Variants in TMOD1 observed in about 807,000 individuals in gnomAD.
TMOD1 encodes the protein tropomodulin-1.
TMOD1 carries 17 observed loss-of-function variants against 40.6 expected under a neutral mutation model. The ratio of observed to expected loss-of-function variants is 0.42; its 90% confidence interval spans 0.29 to 0.63. The LOEUF (loss-of-function observed/expected upper bound fraction) is 0.63, where lower values mean the gene tolerates loss of function less well. Ranked by LOEUF, TMOD1 falls within the 20% of genes least tolerant of loss-of-function variation. TMOD1 has a pLI of 0.22. For missense variants in TMOD1, 391 were observed against 447.6 expected, an observed-to-expected ratio of 0.87 and a Z score of 1.14; for synonymous variants, 181 against 175.0, an observed-to-expected ratio of 1.03 and a Z score of -0.27.
intron 2 of TMOD1, among the ~76,000 whole-genome samples, chr9:97,533,847 T>C (rs968291362): frequency 1.3e-5 from 2 of 152,174 alleles, no homozygotes; most frequent in African/African-American, 4.8e-5. Flanking sequence ...ATTTGTGCAG[T>C]GTTTTATCCA....
intron 2 of TMOD1, among the ~76,000 whole-genome samples, chr9:97,529,766 G>A (rs1010707900): frequency 1.3e-5 from 2 of 152,210 alleles, no homozygotes; most frequent in Non-Finnish European, 2.9e-5. Context: ...TTTGTACCAG[G>A]CAGTGGGGGC....
At chr9:97,555,579 G>A in intron 4 of TMOD1, 1 of 1,537,126 alleles carries the variant, frequency 6.5e-7, no homozygotes, top group Non-Finnish European at 8.8e-7. Context: ...GAGGGGAGCT[G>A]TAAGTCTACA....
At chr9:97,575,030 A>G (rs921309920) in intron 8 of TMOD1, among the ~76,000 whole-genome samples, 2 of 152,236 alleles carry the variant, frequency 1.3e-5, no homozygotes, top group Non-Finnish European at 1.5e-5. Flanking sequence ...AGGCTGCCGG[A>G]TAACGCAGTG....
chr9:97,594,068 G>T (rs1212987403), intron 9 of TMOD1, among the ~76,000 whole-genome samples: 2 of 152,140 alleles, frequency 1.3e-5, no homozygotes, highest in African/African-American at 4.8e-5. Context: ...AAGCTCAGGG[G>T]CCTGGCGATG....
At chr9:97,559,956 C>G (rs1830612821) in intron 4 of TMOD1, among the ~76,000 whole-genome samples, 1 of 150,444 alleles carries the variant, frequency 6.6e-6, no homozygotes, top group South Asian at 2.1e-4. Flanking sequence ...AGCCACTGGT[C>G]TTGTCTCAAG....
intron 3 of TMOD1, among the ~76,000 whole-genome samples, chr9:97,547,447 T>A (rs1830382929): frequency 6.6e-6 from 1 of 152,188 alleles, no homozygotes; most frequent in Non-Finnish European, 1.5e-5. Flanking sequence ...ACTTACTAGC[T>A]GTGTGAACAT....
intron 8 of TMOD1, among the ~76,000 whole-genome samples, chr9:97,583,115 C>T (rs1014027534): frequency 6.7e-6 from 1 of 149,638 alleles, no homozygotes; most frequent in Non-Finnish European, 1.5e-5. Context: ...TTTGCCCATT[C>T]AGTATGATAT....
intron 8 of TMOD1, among the ~76,000 whole-genome samples, chr9:97,576,790 C>A (rs1296402781): frequency 2.0e-5 from 3 of 152,010 alleles, no homozygotes; most frequent in African/African-American, 7.2e-5. Flanking sequence ...CCCGCCACCA[C>A]GTCCAGCTAA....
intron 1 of TMOD1, among the ~76,000 whole-genome samples, chr9:97,521,637 G>A (rs1829917684): frequency 6.6e-6 from 1 of 152,202 alleles, no homozygotes; most frequent in Non-Finnish European, 1.5e-5. Context: ...ATCAAGTGAT[G>A]GGGGGCCATT....
At chr9:97,564,860 G>C (rs1202048868) in intron 6 of TMOD1, among the ~76,000 whole-genome samples, 1 of 151,824 alleles carries the variant, frequency 6.6e-6, no homozygotes, top group Non-Finnish European at 1.5e-5. Flanking sequence ...TTCTGGGAGG[G>C]GGGTGGGGGT....
chr9:97,506,959 CTT>C (rs1286948421), intron 1 of TMOD1, among the ~76,000 whole-genome samples: 1 of 152,172 alleles, frequency 6.6e-6, no homozygotes, highest in Non-Finnish European at 1.5e-5. Context: ...AGAAAATAAA[CTT>C]AATAATTCCT....
At chr9:97,521,024 A>G (rs1829906744) in intron 1 of TMOD1, among the ~76,000 whole-genome samples, 1 of 152,196 alleles carries the variant, frequency 6.6e-6, no homozygotes. Flanking sequence ...GGCAGCTGGA[A>G]GAGGTAACAA....
At chr9:97,531,359 T>G (rs1161927349) in intron 2 of TMOD1, among the ~76,000 whole-genome samples, 1 of 152,010 alleles carries the variant, frequency 6.6e-6, no homozygotes, top group Non-Finnish European at 1.5e-5. Context: ...GCCTATAATC[T>G]CAGCAGTTTT....
intron 8 of TMOD1, among the ~76,000 whole-genome samples, chr9:97,583,456 A>C (rs1825801440): frequency 6.6e-6 from 1 of 151,730 alleles, no homozygotes; most frequent in South Asian, 2.1e-4. Flanking sequence ...ATTGGTCGAA[A>C]ATTCTCTTTT....
At chr9:97,530,787 CTTTTTTT>C (rs57086657) in intron 2 of TMOD1, among the ~76,000 whole-genome samples, 2 of 90,904 alleles carry the variant, frequency 2.2e-5, no homozygotes, top group Non-Finnish European at 4.0e-5. Flanking sequence ...CCGGGCCCGG[CTTTTTTT>C]TTTTTTTTTT....
At chr9:97,511,327 TGTTA>T (rs1212271563) in intron 1 of TMOD1, among the ~76,000 whole-genome samples, 4 of 152,352 alleles carry the variant, frequency 2.6e-5, no homozygotes, top group African/African-American at 9.6e-5. Flanking sequence ...AAAACAAGTC[TGTTA>T]ACAATAGCTG....
intron 8 of TMOD1, among the ~76,000 whole-genome samples, chr9:97,569,642 TAAC>T (rs1247958340): frequency 9.2e-5 from 14 of 152,382 alleles, no homozygotes; most frequent in Admixed American, 7.2e-4. Context: ...AGGATGCTAA[TAAC>T]AACATCTTAC....
At chr9:97,587,244 G>T (rs1384436590) in intron 8 of TMOD1, among the ~76,000 whole-genome samples, 1 of 152,178 alleles carries the variant, frequency 6.6e-6, no homozygotes, top group African/African-American at 2.4e-5. Flanking sequence ...GTAAACATAT[G>T]TTTTAATTTC....
intron 8 of TMOD1, among the ~76,000 whole-genome samples, chr9:97,573,987 TATC>T (rs1291316641): frequency 6.6e-6 from 1 of 152,082 alleles, no homozygotes; most frequent in Admixed American, 6.5e-5. Context: ...CAGTAAGAAT[TATC>T]TATATTATTT....
Sources: gnomAD v4.1 joint callset for allele counts (sites outside exome capture counted in the v4.1 genomes callset) on GRCh38, gnomAD v4.1.1 for gene constraint, MANE v1.5 for transcripts, NCBI Gene and HGNC (gene_info 2026-07-23, HGNC 2026-07-21) for gene names.